The following EBF4 variants were observed in gnomAD, a reference collection of about 807,000 sequenced individuals.
EBF4 encodes the protein transcription factor COE4.
In EBF4, 34 loss-of-function variants were observed where a neutral mutation model predicts 67.1. That is an observed-to-expected ratio of 0.51 (90% CI 0.39 to 0.67). EBF4 has a LOEUF of 0.67. Among genes scored for constraint, EBF4 ranks in the 30% least tolerant of loss-of-function variants. The pLI, the probability that EBF4 is intolerant of heterozygous loss-of-function variation, is 0.00. For synonymous variants in EBF4, 387 were observed against 377.7 expected (o/e 1.02, Z -0.29); for missense variants, 837 against 873.3 (o/e 0.96, Z 0.52).
chr20:2,707,675 C>G lies in EBF4; in HGVS notation c.415-272C>G, dbSNP rs2087478050. On this transcript the variant is annotated intron_variant, in intron 4 of 16. Coordinates refer to ENST00000609451, the Ensembl canonical transcript of EBF4. This position sits in a 1 kb window ranked among gnomAD's most constrained non-coding sequence, Gnocchi z 4.6. ...TTGTCCTGGCACCCTGAGGAACCCC[C>G]TGCCCCAAGCAGAGCCAGCTCTGGA... Among the ~76,000 whole-genome samples, 1 of 152,164 alleles carries G rather than the reference C, an allele frequency of 6.6e-6. No homozygotes were observed. Among genetic ancestry groups the G allele is most frequent in the Non-Finnish European group, 1.5e-5 (1 of 68,014 alleles).
chr20:2,705,522 A>T lies in EBF4; in HGVS notation c.138-55A>T, dbSNP rs1029856349. On this transcript the variant is annotated intron_variant, in intron 1 of 16. Transcript: ENST00000609451. ...ATGCCTGCCTGGCCCGAGGCGCTGG[A>T]GTCTTTCTCACTGGGGGGCCTTCCA... 4 of 1,550,634 alleles carry T rather than the reference A, an allele frequency of 2.6e-6. No homozygotes were observed. The African/African-American group carries it at 4.1e-5, about 16-fold the overall frequency.
At chr20:2,748,552 C>G in exon 7 of EBF4, 1 of 1,551,486 alleles carries the variant, frequency 6.4e-7, no homozygotes, top group Non-Finnish European at 8.7e-7. Flanking sequence ...GTTTCAGGTT[C>G]TTCCTCAAGT....
chr20:2,737,284 G>A (rs1252673342), intron 6 of EBF4, among the ~76,000 whole-genome samples: 1 of 151,734 alleles, frequency 6.6e-6, no homozygotes, highest in Non-Finnish European at 1.5e-5. Flanking sequence ...AAGAAGATTG[G>A]GGGAAGAGGG....
rs112476744 is a variant in EBF4, at chr20:2,701,071, G to A, written c.138-4506G>A. 3.0e-3 allele frequency among the ~76,000 whole-genome samples: 456 copies of A among 152,328 alleles called. 5 individuals are homozygous for A. Among genetic ancestry groups the A allele is most frequent in the South Asian group, 0.019 (91 of 4,824 alleles). On this transcript the variant is annotated intron_variant, in intron 1 of 16. Transcript: ENST00000609451. ...CAGTCCTCCTCTGGTTGGAAGGGGCGGGGGCCGTCATTAACACTGCCCTGT... is the reference window on the plus strand; with the variant it reads ...CAGTCCTCCTCTGGTTGGAAGGGGCAGGGGCCGTCATTAACACTGCCCTGT...
intron 1 of EBF4, among the ~76,000 whole-genome samples, chr20:2,695,130 T>C (rs376870572): frequency 1.3e-5 from 2 of 152,122 alleles, no homozygotes; most frequent in South Asian, 2.1e-4. Flanking sequence ...GGCTTTTTTT[T>C]TTTTCAACTT....
rs2087248248 is a variant in EBF4, at chr20:2,693,853, A to G, written c.137+71A>G. 1 of 1,253,776 alleles carries G rather than the reference A, an allele frequency of 8.0e-7. No homozygotes were observed. The highest frequency in any genetic ancestry group is 3.2e-5 in the East Asian group (1 of 31,688). The allele number at this position is 1,253,776 out of a possible 1,614,324, so 77.7% of individuals were successfully genotyped here. A position where few individuals can be genotyped will look rare whatever the true frequency, so the allele number is the denominator to read the frequency against. On this transcript the variant is annotated intron_variant, in intron 1 of 16. Transcript: ENST00000609451. This position sits in a 1 kb window ranked among gnomAD's most constrained non-coding sequence, Gnocchi z 4.6. ...GCGCCGCCTCAGCTCAGCTTGCTGG[A>G]GCTGCTGGAGCCAGGGGCGGAAGGA...
In EBF4 at chr20:2,705,788, CA is replaced by C. The variant is rs1174396248; in HGVS notation, c.294+56del. The C allele has an allele frequency of 3.8e-5, 10 of 260,308 alleles. No individual in the cohort carries two copies. In the African/African-American group the frequency reaches 8.8e-4, roughly 23 times the overall value. 16.1% of individuals were successfully genotyped at this position (260,308 alleles called of 1,614,324 possible). On this transcript the variant is annotated intron_variant, in intron 2 of 16. Transcript: ENST00000609451. ...GGCCCCGGGAGGGAACCCCCAACCA[CA>C]CACACACACACACACACACACACAC...
At chr20:2,708,110 C>G (rs1380627607) in intron 5 of EBF4, 90 bp downstream of exon 5, 12 of 1,336,204 alleles carry the variant, frequency 9.0e-6, no homozygotes, top group Non-Finnish European at 1.2e-5. Context: ...CGCCCTTGCC[C>G]CTGGCTGCTC....
intron 6 of EBF4, among the ~76,000 whole-genome samples, chr20:2,742,478 T>C (rs764533848): frequency 1.3e-5 from 2 of 152,232 alleles, no homozygotes; most frequent in African/African-American, 4.8e-5. Flanking sequence ...CTTGTATTTA[T>C]GGTGTTTTCT....
At chr20:2,706,088 T>G in intron 3 of EBF4, 51 bp downstream of exon 3, 13 of 1,546,104 alleles carry the variant, frequency 8.4e-6, no homozygotes, top group Non-Finnish European at 1.1e-5. Context: ...GTCTGGGCAC[T>G]GCAGCATCAT....
At chr20:2,725,970 C>T (rs758148226) in intron 6 of EBF4, among the ~76,000 whole-genome samples, 4 of 152,032 alleles carry the variant, frequency 2.6e-5, no homozygotes, top group East Asian at 1.9e-4. Context: ...GTTCTATTGC[C>T]GGGGGGACCT....
Position 2,749,530 on chromosome 20 carries a change from C to CG in EBF4, c.757+14dup. The CG allele has an allele frequency of 6.5e-7, 1 of 1,541,914 alleles. No homozygotes were observed. Among genetic ancestry groups the CG allele is most frequent in the East Asian group, 2.5e-5 (1 of 40,636 alleles). On this transcript the variant is annotated intron_variant, in intron 8 of 16. Transcript: ENST00000609451. ...GGACCCCTCCGAAGGTCAGGACCCCCGGCCCAGCCCCGGCCGCCGCGGGCC... is the reference window on the plus strand; with the variant it reads ...GGACCCCTCCGAAGGTCAGGACCCCCGGGCCCAGCCCCGGCCGCCGCGGGCC...
chr20:2,750,037 G>A (rs2088117982), intron 10 of EBF4, 64 bp downstream of exon 10: 1 of 1,488,488 alleles, frequency 6.7e-7, no homozygotes, highest in Non-Finnish European at 9.0e-7. Context: ...CCTGCGCACT[G>A]GTCTCCGTTC....
chr20:2,698,946 T>C (rs2087336373), intron 1 of EBF4, among the ~76,000 whole-genome samples: 1 of 152,124 alleles, frequency 6.6e-6, no homozygotes, highest in South Asian at 2.1e-4. Context: ...TCTGTGGGAT[T>C]TGAGCTGGCT....
At chr20:2,732,676 AG>A (rs2087829767) in intron 6 of EBF4, among the ~76,000 whole-genome samples, 1 of 152,136 alleles carries the variant, frequency 6.6e-6, no homozygotes, top group Non-Finnish European at 1.5e-5. Flanking sequence ...ATTGTGTTGT[AG>A]TTTTCTTTTT....
At chr20:2,704,486 C>T (rs572207956) in intron 1 of EBF4, among the ~76,000 whole-genome samples, 11 of 152,230 alleles carry the variant, frequency 7.2e-5, no homozygotes, top group Non-Finnish European at 7.3e-5. Context: ...TTCCTCCTTT[C>T]ACTTCGCTTT....
At chr20:2,752,572 G>T (rs993136228) in intron 14 of EBF4, 27 bp downstream of exon 14, 3 of 1,230,862 alleles carry the variant, frequency 2.4e-6, no homozygotes, top group African/African-American at 3.1e-5. Context: ...CGCGAGGGAA[G>T]GTCTGGGGCC....
Position 2,751,070 on chromosome 20 carries a change from C to A in EBF4, c.1019-630C>A, listed in dbSNP as rs1056122810. On this transcript the variant is annotated intron_variant, in intron 10 of 16. Coordinates refer to ENST00000609451, the Ensembl canonical transcript of EBF4. This position sits in a 1 kb window ranked among gnomAD's most constrained non-coding sequence, Gnocchi z 5.2. ...GAAGGGCGTGGGGAGCTGGGTCAGA[C>A]GCGCATACACACACACACCCCTTGC... Among the ~76,000 whole-genome samples the A allele has an allele frequency of 4.6e-5, 7 of 151,988 alleles. No homozygotes were observed. The highest frequency in any genetic ancestry group is 1.7e-4 in the African/African-American group (7 of 41,358).
At chr20:2,701,080 C>T (rs1036840353) in intron 1 of EBF4, among the ~76,000 whole-genome samples, 1 of 152,230 alleles carries the variant, frequency 6.6e-6, no homozygotes, top group Non-Finnish European at 1.5e-5. Context: ...CGGGGGCCGT[C>T]ATTAACACTG....
Sources: gnomAD v4.1 joint callset for allele counts (sites outside exome capture counted in the v4.1 genomes callset) on GRCh38, gnomAD v4.1.1 for gene constraint, Gnocchi (gnomAD v3.1) non-coding constraint, MANE v1.5 for transcripts, NCBI Gene and HGNC (gene_info 2026-07-23, HGNC 2026-07-21) for gene names.